The following CAMKK2 variants were observed in gnomAD, a reference collection of about 807,000 sequenced individuals.
CAMKK2 encodes calcium/calmodulin dependent protein kinase kinase 2.
In CAMKK2, 30 loss-of-function variants were observed where a neutral mutation model predicts 67.2. The observed-to-expected ratio is 0.45, with a 90% CI of 0.33 to 0.61. The LOEUF is 0.61. Among genes scored for constraint, CAMKK2 ranks in the 20% least tolerant of loss-of-function variants. The pLI, the probability that CAMKK2 is intolerant of heterozygous loss-of-function variation, is 0.02. For missense variants in CAMKK2, 643 were observed against 802.0 expected, an observed-to-expected ratio of 0.80 and a Z score of 2.39; for synonymous variants, 322 against 326.2, an observed-to-expected ratio of 0.99 and a Z score of 0.14.
rs185124345 is a variant in CAMKK2, at chr12:121,246,928, C to T, written c.1452+1678G>A. Among the ~76,000 whole-genome samples, 6 of 150,338 alleles carry T rather than the reference C, an allele frequency of 4.0e-5. No individual in the cohort carries two copies. The East Asian group carries it at 1.0e-3, about 25-fold the overall frequency. On this transcript the variant is annotated intron_variant, in intron 14 of 16. Transcript: ENST00000404169. ...CTCCGTGTTTGCTAAATGATGAACA[C>T]ATGCAGGGGGCCTGGACCTTGCCAT...
At chr12:121,245,000 T>C in intron 15 of CAMKK2, 140 bp downstream of exon 15, 1 of 634,214 alleles carries the variant, frequency 1.6e-6, no homozygotes, top group Middle Eastern at 4.2e-4. Context: ...ACTGTCCCAG[T>C]GCACCAGGTG....
chr12:121,259,555 TG>T (rs1187984861), intron 7 of CAMKK2, among the ~76,000 whole-genome samples: 1 of 152,228 alleles, frequency 6.6e-6, no homozygotes, highest in Non-Finnish European at 1.5e-5. Flanking sequence ...TGATTTCTGC[TG>T]TATCTCCCCA....
At position 121,285,132 on chromosome 12, in the gene CAMKK2, A is replaced by G. The variant is rs1898484992; in HGVS notation, c.-59-10547T>C. Among the ~76,000 whole-genome samples, 2 of 152,194 alleles carry G rather than the reference A, an allele frequency of 1.3e-5. No individual in the cohort carries two copies. Among genetic ancestry groups the G allele is most frequent in the Non-Finnish European group, 2.9e-5 (2 of 68,028 alleles). The stretch of plus-strand genomic sequence containing the variant: ...GTGGCCCTACAGGGCTGACCCCACC[A>G]TCAGCTTCAGAGATTTGCATGTGAC... On this transcript the variant is annotated intron_variant, in intron 1 of 16. Coordinates refer to ENST00000404169, the MANE Select transcript of CAMKK2 (RefSeq NM_001270485.2). The surrounding 1 kb of genome is among the most constrained non-coding windows in gnomAD (Gnocchi z 4.1).
chr12:121,279,510 C>T (rs1897357031), intron 1 of CAMKK2, among the ~76,000 whole-genome samples: 1 of 152,272 alleles, frequency 6.6e-6, no homozygotes, highest in Non-Finnish European at 1.5e-5. Context: ...CAACGGCTAA[C>T]ATTCAACTGA....
intron 1 of CAMKK2, among the ~76,000 whole-genome samples, chr12:121,289,792 T>C (rs1013388802): frequency 9.2e-5 from 14 of 151,564 alleles, no homozygotes; most frequent in African/African-American, 2.7e-4. Flanking sequence ...ACTTGGAAGG[T>C]TGAGGCACGA....
At chr12:121,260,524 A>C in intron 6 of CAMKK2, 169 bp from the exon 7 acceptor site, 1 of 650,946 alleles carries the variant, frequency 1.5e-6, no homozygotes, top group Non-Finnish European at 2.8e-6. Context: ...AAACCCCCAG[A>C]GTGTGAGATC....
chr12:121,244,357 C>T (rs1319486013), intron 16 of CAMKK2, among the ~76,000 whole-genome samples: 2 of 152,210 alleles, frequency 1.3e-5, no homozygotes, highest in Admixed American at 1.3e-4. Context: ...GCCATGCACC[C>T]GCAGCCCCAG....
At chr12:121,297,523 C>G (rs200499352), upstream of CAMKK2, 8 of 487,470 alleles carry the variant, frequency 1.6e-5, no homozygotes, top group Non-Finnish European at 3.3e-5. Flanking sequence ...CCCATTCTCC[C>G]CTTTTTGGCA....
chr12:121,285,188 C>G lies in CAMKK2; in HGVS notation c.-59-10603G>C, dbSNP rs896398161. Among the ~76,000 whole-genome samples, 7 of 152,172 alleles carry G rather than the reference C, an allele frequency of 4.6e-5. No homozygotes were observed. The highest frequency in any genetic ancestry group is 1.7e-4 in the African/African-American group (7 of 41,438). On this transcript the variant is annotated intron_variant, in intron 1 of 16. Coordinates refer to ENST00000404169, the MANE Select transcript of CAMKK2 (RefSeq NM_001270485.2). The surrounding 1 kb of genome is among the most constrained non-coding windows in gnomAD (Gnocchi z 4.1). ...CCTGGCCAGCTGGCTATCAATTGCT[C>G]TGGTCAAGTGGGTAACTCAAGAATA...
chr12:121,255,928 G>C (rs1892189600), intron 7 of CAMKK2, 124 bp from the exon 8 acceptor site: 2 of 901,160 alleles, frequency 2.2e-6, no homozygotes, highest in East Asian at 5.1e-5. Context: ...TTAGAGCTGG[G>C]GAGAGGAACA....
At chr12:121,270,481 C>A (rs748148542) in intron 3 of CAMKK2, among the ~76,000 whole-genome samples, 9 of 152,160 alleles carry the variant, frequency 5.9e-5, no homozygotes, top group Non-Finnish European at 1.0e-4. Context: ...CCTTACCACT[C>A]CCTACTACCT....
intron 13 of CAMKK2, among the ~76,000 whole-genome samples, chr12:121,249,432 A>C (rs1330490017): frequency 6.6e-6 from 1 of 152,138 alleles, no homozygotes; most frequent in South Asian, 2.1e-4. Flanking sequence ...TCCCATCCTC[A>C]CTGCAGTTTC....
rs1215069614 is a variant in CAMKK2, at chr12:121,274,333, T to C, written c.194A>G (p.Asp65Gly). Reference sequence around the variant, plus strand: ...GGGCCGGTCCCGCGCCAAGCCGAGGTCCACAGCACAGCCCGGCTCACACTC... The same window carrying C: ...GGGCCGGTCCCGCGCCAAGCCGAGGCCCACAGCACAGCCCGGCTCACACTC... Reference protein sequence around the residue: ...VTECEPGCAVDLGLARDRPLE... With the variant: ...VTECEPGCAVGLGLARDRPLE... The change falls in exon 2 of 17, where the codon GAC becomes GGC. Residue 65 changes from aspartate to glycine, a missense_variant. Coordinates refer to ENST00000404169, the MANE Select transcript of CAMKK2 (RefSeq NM_001270485.2). The C allele has an allele frequency of 1.2e-6, 2 of 1,613,176 alleles. No homozygotes were observed. The highest frequency in any genetic ancestry group is 3.3e-5 in the Admixed American group (2 of 60,016).
In CAMKK2 at chr12:121,270,368, TA is replaced by T. The variant is rs3999199; in HGVS notation, c.519+529del. ...CTTGGTGATAGAGCAACACCCTGTCTAAAAAAAAAAAAAAAAATCAAGATTC... is the reference window on the plus strand; with the variant it reads ...CTTGGTGATAGAGCAACACCCTGTCTAAAAAAAAAAAAAAAATCAAGATTC... On this transcript the variant is annotated intron_variant, in intron 3 of 16. Coordinates refer to ENST00000404169, the MANE Select transcript of CAMKK2 (RefSeq NM_001270485.2). Among the ~76,000 whole-genome samples, 636 of 125,006 alleles carry T rather than the reference TA, an allele frequency of 5.1e-3. 1 individual carries two copies. Among genetic ancestry groups the T allele is most frequent in the Admixed American group, 5.1e-3 (62 of 12,106 alleles). The allele number at this position is 125,006 out of a possible 152,430, so 82.0% of individuals were successfully genotyped here.
At chr12:121,275,900 G>A (rs926639981) in intron 1 of CAMKK2, among the ~76,000 whole-genome samples, 2 of 152,140 alleles carry the variant, frequency 1.3e-5, no homozygotes, top group Non-Finnish European at 2.9e-5. Flanking sequence ...GGCAGCTCAC[G>A]CCTGTAATCT....
intron 10 of CAMKK2, 72 bp from the exon 11 acceptor site, chr12:121,252,786 G>C: frequency 6.8e-7 from 1 of 1,469,252 alleles, no homozygotes; most frequent in Non-Finnish European, 9.5e-7. Flanking sequence ...TTTCCTTTGG[G>C]GAACCACCTC....
At position 121,263,885 on chromosome 12, in the gene CAMKK2, C is replaced by T. The variant is rs780498713; in HGVS notation, c.680G>A (p.Arg227Lys). ...CTGGTACACCTGCTCAATGGGGCCC[C>T]TGGGCTGGATGCAGCCTCCAGGAGC... ...RPAPGGCIQP[R>K]GPIEQVYQEI... The change falls in exon 6 of 17, where the codon AGG (arginine) becomes AAG (lysine). Residue 227 changes from arginine (R) to lysine (K), a missense_variant. This residue lies in a region of CAMKK2 where 483 missense variants were observed against 625.8 expected (regional missense o/e 0.77). Transcript: ENST00000404169. The T allele has an allele frequency of 6.2e-7, 1 of 1,610,552 alleles. No individual in the cohort carries two copies. The highest frequency in any genetic ancestry group is 8.5e-7 in the Non-Finnish European group (1 of 1,177,310).
intron 7 of CAMKK2, among the ~76,000 whole-genome samples, chr12:121,258,701 T>C (rs899957890): frequency 1.8e-4 from 27 of 152,156 alleles, no homozygotes; most frequent in African/African-American, 6.5e-4. Flanking sequence ...CCTCGAGTTG[T>C]GAAAAACTAT....
intron 6 of CAMKK2, 39 bp from the exon 7 acceptor site, chr12:121,260,394 C>G (rs199751026): frequency 5.0e-6 from 8 of 1,596,656 alleles, no homozygotes; most frequent in Middle Eastern, 1.7e-4. Flanking sequence ...AGACGGATGG[C>G]GGGGGAGAAA....
Sources: allele counts gnomAD v4.1 joint callset (sites outside exome capture counted in the v4.1 genomes callset), GRCh38; gene constraint gnomAD v4.1.1; regional missense constraint gnomAD v4.1.1; non-coding constraint Gnocchi (gnomAD v3.1); transcripts MANE v1.5; gene names NCBI Gene and HGNC (gene_info 2026-07-23, HGNC 2026-07-21).